SPATA6L: variants seen among roughly 807,000 people sequenced by gnomAD.
The protein encoded by SPATA6L is spermatogenesis associated 6-like protein.
A neutral mutation model predicts 49.2 loss-of-function variants in SPATA6L; 68 were observed. The ratio of observed to expected loss-of-function variants is 1.38; its 90% CI spans 1.14 to 1.69. SPATA6L has a LOEUF of 1.69. Ranked by LOEUF, SPATA6L falls within the 40% of genes most tolerant of loss-of-function variation. SPATA6L has a pLI of 0.00. For synonymous variants in SPATA6L, 198 were observed against 165.7 expected, an observed-to-expected ratio of 1.19 and a Z score of -1.50; for missense variants, 668 against 464.3, an observed-to-expected ratio of 1.44 and a Z score of -4.03.
chr9:4,656,076 G>A lies in SPATA6L; in HGVS notation c.191C>T (p.Ala64Val). The change falls in exon 3 of 12, where the codon GCA (alanine) becomes GTA (valine). Residue 64 changes from alanine (A) to valine (V), a missense_variant. Ala to Val is a moderately conservative substitution (Grantham distance 64). Coordinates refer to ENST00000682582, the MANE Select transcript of SPATA6L (RefSeq NM_001353486.2). ...SMRFEKVFES[A>V]VDPGAVVDLL... ...GTCTACTACAGCTCCAGGATCTACT[G>A]CACTTTCAAATACCTGCAGAGAAAA... 2.5e-6 allele frequency: 4 copies of A among 1,612,654 alleles called. No individual in the cohort carries two copies. The highest frequency in any genetic ancestry group is 3.4e-6 in the Non-Finnish European group (4 of 1,179,298).
downstream of SPATA6L, among the ~76,000 whole-genome samples, chr9:4,597,362 ACACACACG>A (rs1822361039): frequency 8.7e-6 from 1 of 115,408 alleles, no homozygotes; most frequent in African/African-American, 3.1e-5. Flanking sequence ...ACACACACAC[ACACACACG>A]GTGGGGCGTG....
intron 11 of SPATA6L, among the ~76,000 whole-genome samples, chr9:4,601,582 T>G (rs1385572985): frequency 1.3e-5 from 2 of 152,196 alleles, no homozygotes; most frequent in Non-Finnish European, 2.9e-5. Context: ...GGCTCAAGAA[T>G]CCCTGACCTT....
At chr9:4,642,909 T>A (rs1187682426) in intron 3 of SPATA6L, among the ~76,000 whole-genome samples, 2 of 152,122 alleles carry the variant, frequency 1.3e-5, no homozygotes, top group Non-Finnish European at 2.9e-5. Context: ...AAACAAATCA[T>A]AATATGGGAA....
At chr9:4,666,172 C>T in intron 1 of SPATA6L, 40 bp downstream of exon 1, 1 of 1,610,100 alleles carries the variant, frequency 6.2e-7, no homozygotes, top group Non-Finnish European at 8.5e-7. Context: ...ATTTAGAGTC[C>T]GACTTGAGGT....
chr9:4,606,299 G>A, intron 9 of SPATA6L, among the ~76,000 whole-genome samples: 1 of 143,670 alleles, frequency 7.0e-6, no homozygotes, highest in Non-Finnish European at 1.5e-5. Flanking sequence ...GCCCACCACA[G>A]CTCAAGGAGG....
chr9:4,642,277 A>G (rs1025539476), intron 3 of SPATA6L, among the ~76,000 whole-genome samples: 1 of 152,242 alleles, frequency 6.6e-6, no homozygotes, highest in African/African-American at 2.4e-5. Context: ...CAGCAGTGAT[A>G]TATGTTTGAA....
intron 9 of SPATA6L, among the ~76,000 whole-genome samples, chr9:4,607,575 T>C (rs1825610591): frequency 6.6e-6 from 1 of 152,060 alleles, no homozygotes; most frequent in Non-Finnish European, 1.5e-5. Flanking sequence ...AATAAAATAC[T>C]TTACAGACAA....
At chr9:4,601,638 C>T (rs961542711) in intron 11 of SPATA6L, among the ~76,000 whole-genome samples, 1 of 152,102 alleles carries the variant, frequency 6.6e-6, no homozygotes, top group Non-Finnish European at 1.5e-5. Context: ...ATCTCGAGAT[C>T]GCTGGGGAGC....
intron 11 of SPATA6L, among the ~76,000 whole-genome samples, chr9:4,602,183 C>A (rs770154157): frequency 1.3e-5 from 2 of 151,744 alleles, no homozygotes; most frequent in Non-Finnish European, 2.9e-5. Flanking sequence ...CCCCCCACAT[C>A]AATGTCCACA....
rs759406792 is a variant in SPATA6L at position 4,666,286 on chromosome 9, G to C, written c.-36C>G. ...GTGGGCGAAAGGACTGGAATGAGAA[G>C]ATCCTTTTGTGCCGAGCCTTGGACC... is the stretch of plus-strand genomic sequence containing the variant. On this transcript the variant is annotated 5_prime_UTR_variant, in exon 1 of 12. The change creates a new upstream start codon in the 5' untranslated region. Coordinates refer to ENST00000682582, the MANE Select transcript of SPATA6L (RefSeq NM_001353486.2). The C allele has an allele frequency of 8.7e-6, 14 of 1,613,052 alleles. No homozygotes were observed. In the South Asian group the frequency reaches 8.8e-5, roughly 10 times the overall value.
chr9:4,611,035 A>G (rs1329371091), intron 9 of SPATA6L, among the ~76,000 whole-genome samples: 22 of 149,606 alleles, frequency 1.5e-4, no homozygotes, highest in Non-Finnish European at 3.0e-4. Flanking sequence ...CAGCCAAAAA[A>G]CACATGAAAA....
intron 11 of SPATA6L, among the ~76,000 whole-genome samples, chr9:4,602,036 G>A (rs1464285143): frequency 6.6e-6 from 1 of 152,168 alleles, no homozygotes; most frequent in Non-Finnish European, 1.5e-5. Flanking sequence ...GGGTCAGGGA[G>A]GATGGTATGG....
intron 4 of SPATA6L, among the ~76,000 whole-genome samples, chr9:4,630,100 A>T (rs1831219881): frequency 6.6e-6 from 1 of 152,056 alleles, no homozygotes. Flanking sequence ...TTCTCAAAAA[A>T]ACAAAACTAT....
At chr9:4,636,175 C>A (rs1009629086) in intron 3 of SPATA6L, among the ~76,000 whole-genome samples, 2 of 151,354 alleles carry the variant, frequency 1.3e-5, no homozygotes, top group Non-Finnish European at 2.9e-5. Context: ...AATCAAGGAA[C>A]AATTGTATTT....
chr9:4,631,588 T>G (rs1161933001), intron 4 of SPATA6L, among the ~76,000 whole-genome samples: 1 of 151,594 alleles, frequency 6.6e-6, no homozygotes, highest in African/African-American at 2.4e-5. Flanking sequence ...GCAAGTGAAA[T>G]AAAACAGCAA....
intron 3 of SPATA6L, among the ~76,000 whole-genome samples, chr9:4,643,588 A>G (rs1834543670): frequency 1.3e-5 from 2 of 152,246 alleles, no homozygotes; most frequent in South Asian, 2.1e-4. Flanking sequence ...ATTGAAAATG[A>G]CAAGTAAACT....
chr9:4,664,296 C>T (rs537771062), intron 1 of SPATA6L: 34 of 166,982 alleles, frequency 2.0e-4, no homozygotes, highest in Middle Eastern at 6.8e-3. Context: ...GGAAAAGGAA[C>T]GTCTTCTCAA....
At chr9:4,649,069 AC>A (rs1836191490) in intron 3 of SPATA6L, among the ~76,000 whole-genome samples, 2 of 28,300 alleles carry the variant, frequency 7.1e-5, no homozygotes, top group African/African-American at 4.7e-4. Context: ...ATATACACAC[AC>A]ACACACACAC....
intron 8 of SPATA6L, 84 bp from the exon 9 acceptor site, chr9:4,618,194 G>A: frequency 8.4e-7 from 1 of 1,197,330 alleles, no homozygotes; most frequent in Non-Finnish European, 1.2e-6. Flanking sequence ...GGACAAGGAA[G>A]ATAACTCGGG....
Sources: gnomAD v4.1 joint callset for allele counts (sites outside exome capture counted in the v4.1 genomes callset) on GRCh38, gnomAD v4.1.1 for gene constraint, MANE v1.5 for transcripts, NCBI Gene and HGNC (gene_info 2026-07-23, HGNC 2026-07-21) for gene names.